The following RBFOX1 variants were observed in gnomAD, a reference collection of about 807,000 sequenced individuals.
RBFOX1 encodes RNA binding fox-1 homolog 1, also known as RNA binding protein fox-1 homolog 1.
Under a neutral mutation model 57.7 loss-of-function variants are expected in RBFOX1, and 8 were observed. The ratio of observed to expected loss-of-function variants is 0.14; its 90% CI spans 0.08 to 0.25. The LOEUF (loss-of-function observed/expected upper bound fraction) is 0.25. Ranked by LOEUF, RBFOX1 falls within the 10% of genes least tolerant of loss-of-function variation. The probability of loss-of-function intolerance (pLI) is 1.00; values close to 1 mark genes in which losing one functional copy is unlikely to be tolerated. For synonymous variants in RBFOX1, 326 were observed against 222.4 expected (o/e 1.47, Z -4.15); for missense variants, 611 against 548.5 (o/e 1.11, Z -1.14).
intron 3 of RBFOX1, among the ~76,000 whole-genome samples, chr16:6,886,063 TTTC>T (rs746857568): frequency 2.8e-4 from 42 of 148,516 alleles, no homozygotes; most frequent in Non-Finnish European, 4.3e-4. Flanking sequence ...GTATTTTTTT[TTTC>T]TTTTTTTTTT....
chr16:5,718,986 C>T (rs889226545), intron 3 of RBFOX1, among the ~76,000 whole-genome samples: 1 of 129,852 alleles, frequency 7.7e-6, no homozygotes, highest in Non-Finnish European at 1.8e-5. Context: ...AAAAAAAAAA[C>T]AATATTCCCA....
intron 3 of RBFOX1, among the ~76,000 whole-genome samples, chr16:5,706,613 C>G (rs927681821): frequency 1.3e-5 from 2 of 152,126 alleles, no homozygotes; most frequent in African/African-American, 2.4e-5. Flanking sequence ...TTAAATCTTG[C>G]ATTGTTTTAA....
intron 1 of RBFOX1, among the ~76,000 whole-genome samples, chr16:5,317,221 C>T (rs769253514): frequency 1.3e-5 from 2 of 152,094 alleles, no homozygotes; most frequent in South Asian, 2.1e-4. Flanking sequence ...CTCAATCTCT[C>T]GATATATGTA....
intron 2 of RBFOX1, among the ~76,000 whole-genome samples, chr16:5,594,611 G>A (rs1266729890): frequency 6.6e-6 from 1 of 152,194 alleles, no homozygotes; most frequent in Non-Finnish European, 1.5e-5. Flanking sequence ...GTCAGAGGTA[G>A]AAAAGAGACA....
intron 2 of RBFOX1, among the ~76,000 whole-genome samples, chr16:5,575,486 C>A (rs1001347285): frequency 6.6e-6 from 1 of 152,154 alleles, no homozygotes; most frequent in South Asian, 2.1e-4. Context: ...AAGTGAATTT[C>A]CTTGCCCACA....
chr16:6,128,517 C>T (rs2096606181), intron 1 of RBFOX1, among the ~76,000 whole-genome samples: 1 of 152,148 alleles, frequency 6.6e-6, no homozygotes. Flanking sequence ...TGTCCAGGAG[C>T]CCTTTTCTGC....
intron 3 of RBFOX1, among the ~76,000 whole-genome samples, chr16:5,812,877 T>C (rs946276813): frequency 7.2e-5 from 11 of 152,228 alleles, no homozygotes; most frequent in Non-Finnish European, 1.6e-4. Flanking sequence ...CTTCTGGTTT[T>C]CCATGTGTGT....
intron 2 of RBFOX1, among the ~76,000 whole-genome samples, chr16:6,567,616 C>G (rs968133723): frequency 8.5e-5 from 13 of 152,130 alleles, no homozygotes; most frequent in African/African-American, 3.1e-4. Flanking sequence ...AGGAAAGGAC[C>G]TTGTCTCTTT....
chr16:5,719,049 G>A (rs900543616), intron 3 of RBFOX1, among the ~76,000 whole-genome samples: 4 of 151,940 alleles, frequency 2.6e-5, no homozygotes, highest in African/African-American at 7.3e-5. Flanking sequence ...TAAGTGACTG[G>A]CAGATAGCAA....
intron 3 of RBFOX1, among the ~76,000 whole-genome samples, chr16:6,987,641 C>T (rs2090594630): frequency 6.6e-6 from 1 of 152,142 alleles, no homozygotes; most frequent in African/African-American, 2.4e-5. Context: ...AAATATAGCT[C>T]ATGACTGGGG....
rs569450959 is a variant in RBFOX1, at chr16:6,420,196, C to T, written c.-64+103139C>T. Among the ~76,000 whole-genome samples the T allele has an allele frequency of 5.3e-5, 8 of 152,222 alleles. No individual in the cohort carries two copies. In the South Asian group the frequency reaches 1.7e-3, roughly 32 times the overall value. On this transcript the variant is annotated intron_variant, in intron 2 of 15. Coordinates refer to ENST00000550418, the MANE Select transcript of RBFOX1 (RefSeq NM_018723.4). ...GAAAGGGAGAACTCTTTCCCTTTCT[C>T]TTCAGCAGAGCCTGAAAAAAATGTA...
rs534832303 is a variant in RBFOX1 at position 5,889,740 on chromosome 16, G to T, written c.351+22405G>T. Among the ~76,000 whole-genome samples the T allele has an allele frequency of 3.0e-3, 455 of 152,328 alleles. 2 individuals carry two copies. The highest frequency in any genetic ancestry group is 8.7e-3 in the African/African-American group (362 of 41,572). On this transcript the variant is annotated intron_variant, in intron 4 of 19. Coordinates refer to the RBFOX1 transcript ENST00000641259. ...TAGAGGGATCTCACCTAGTCCTGGG[G>T]TTGGGGAAGGCCTCTTTGAGGAACT...
chr16:7,304,817 T>G (rs954554929), intron 4 of RBFOX1, among the ~76,000 whole-genome samples: 2 of 152,240 alleles, frequency 1.3e-5, no homozygotes, highest in African/African-American at 4.8e-5. Context: ...CCTTTGATGC[T>G]AAGAGTTTGA....
intron 1 of RBFOX1, among the ~76,000 whole-genome samples, chr16:5,397,815 G>A (rs371319743): frequency 6.6e-6 from 1 of 152,276 alleles, no homozygotes; most frequent in African/African-American, 2.4e-5. Flanking sequence ...CTATTATGTT[G>A]GGGTGATAAT....
At chr16:5,667,630 C>G (rs2049889084) in intron 3 of RBFOX1, among the ~76,000 whole-genome samples, 1 of 152,152 alleles carries the variant, frequency 6.6e-6, no homozygotes, top group Non-Finnish European at 1.5e-5. Flanking sequence ...GTTGAACAAA[C>G]TCTCTTTGGA....
intron 3 of RBFOX1, among the ~76,000 whole-genome samples, chr16:5,852,378 A>G (rs892980345): frequency 3.8e-4 from 58 of 152,092 alleles, no homozygotes; most frequent in African/African-American, 1.4e-3. Flanking sequence ...GGCAGCAAAG[A>G]TGTGGTTTAG....
At chr16:6,835,122 C>G (rs375230447) in intron 3 of RBFOX1, among the ~76,000 whole-genome samples, 26 of 152,160 alleles carry the variant, frequency 1.7e-4, no homozygotes, top group African/African-American at 5.8e-4. Context: ...AGGATGGTCT[C>G]AATCTCCTGA....
intron 1 of RBFOX1, among the ~76,000 whole-genome samples, chr16:5,371,819 A>G (rs1271509750): frequency 6.6e-6 from 1 of 152,140 alleles, no homozygotes; most frequent in Non-Finnish European, 1.5e-5. Context: ...CCATGCTCCC[A>G]CCTGAGGGAG....
chr16:6,465,952 G>T (rs2095039512), intron 2 of RBFOX1, among the ~76,000 whole-genome samples: 1 of 151,718 alleles, frequency 6.6e-6, no homozygotes. Context: ...AGAAAGACTG[G>T]GTGTCGTGGC....
Sources: allele counts gnomAD v4.1 joint callset (sites outside exome capture counted in the v4.1 genomes callset), GRCh38; gene constraint gnomAD v4.1.1; transcripts MANE v1.5; gene names NCBI Gene and HGNC (gene_info 2026-07-23, HGNC 2026-07-21).